The following CDH13 variants were observed in gnomAD, a reference collection of about 807,000 sequenced individuals.
The protein encoded by CDH13 is cadherin-13.
In CDH13, 24 loss-of-function variants were observed where a neutral mutation model predicts 63.8. The ratio of observed to expected loss-of-function variants is 0.38; its 90% CI spans 0.27 to 0.53. The LOEUF is 0.53. Among genes scored for constraint, CDH13 ranks in the 20% least tolerant of loss-of-function variants. The probability of loss-of-function intolerance (pLI) is 0.85; values close to 1 mark genes in which losing one functional copy is unlikely to be tolerated. For missense variants in CDH13, 1,049 were observed against 903.1 expected, an observed-to-expected ratio of 1.16 and a Z score of -2.07; for synonymous variants, 503 against 355.3, an observed-to-expected ratio of 1.42 and a Z score of -4.67.
At chr16:82,753,377 C>G (rs2034493557) in intron 1 of CDH13, among the ~76,000 whole-genome samples, 1 of 152,168 alleles carries the variant, frequency 6.6e-6, no homozygotes, top group Non-Finnish European at 1.5e-5. Context: ...TTCTCTGGCT[C>G]TTCCCCTTAA....
At chr16:82,783,968 G>GT (rs1310122418) in intron 1 of CDH13, among the ~76,000 whole-genome samples, 2 of 152,248 alleles carry the variant, frequency 1.3e-5, no homozygotes, top group Admixed American at 6.5e-5. Flanking sequence ...AATTCAATTT[G>GT]TTTTTTTCTT....
intron 2 of CDH13, among the ~76,000 whole-genome samples, chr16:82,908,984 G>T (rs1249030355): frequency 1.3e-5 from 2 of 152,120 alleles, no homozygotes; most frequent in African/African-American, 4.8e-5. Context: ...TGTGGGGCTT[G>T]AGTATGCATG....
intron 1 of CDH13, among the ~76,000 whole-genome samples, chr16:82,807,451 C>G (rs2037203479): frequency 6.6e-6 from 1 of 152,054 alleles, no homozygotes; most frequent in Non-Finnish European, 1.5e-5. Flanking sequence ...ATAGAGGATT[C>G]CAAGATCAAG....
intron 2 of CDH13, among the ~76,000 whole-genome samples, chr16:82,914,407 A>T (rs2041922730): frequency 6.6e-6 from 1 of 152,194 alleles, no homozygotes; most frequent in Non-Finnish European, 1.5e-5. Flanking sequence ...CAGCAATTTT[A>T]AGCAAATTTT....
At chr16:82,906,644 C>G (rs1003690068) in intron 2 of CDH13, among the ~76,000 whole-genome samples, 5 of 152,174 alleles carry the variant, frequency 3.3e-5, no homozygotes, top group African/African-American at 4.8e-5. Flanking sequence ...TTACCACTAA[C>G]TCAAATGGCT....
intron 2 of CDH13, among the ~76,000 whole-genome samples, chr16:82,904,424 C>T (rs1322606467): frequency 6.6e-6 from 1 of 152,170 alleles, no homozygotes; most frequent in Non-Finnish European, 1.5e-5. Flanking sequence ...TGAGTTTTCT[C>T]CAAGACACCC....
intron 6 of CDH13, among the ~76,000 whole-genome samples, chr16:83,409,360 G>A (rs1372930016): frequency 6.6e-6 from 1 of 152,212 alleles, no homozygotes; most frequent in South Asian, 2.1e-4. Flanking sequence ...GCTGCCTGCT[G>A]TGCCTTTGGG....
intron 1 of CDH13, among the ~76,000 whole-genome samples, chr16:82,794,047 A>T (rs1567541891): frequency 6.6e-6 from 1 of 152,076 alleles, no homozygotes; most frequent in Non-Finnish European, 1.5e-5. Flanking sequence ...ACTGGGGTAT[A>T]ACCAAGCTTG....
chr16:82,684,427 G>A (rs985287081), intron 1 of CDH13, among the ~76,000 whole-genome samples: 8 of 152,150 alleles, frequency 5.3e-5, no homozygotes, highest in African/African-American at 1.9e-4. Context: ...ATGCCTAGAT[G>A]TCTGCGGTGA....
intron 6 of CDH13, among the ~76,000 whole-genome samples, chr16:83,441,834 G>A (rs2039087808): frequency 6.6e-6 from 1 of 152,182 alleles, no homozygotes. Flanking sequence ...AAATGTTTCA[G>A]GGCATCAGAG....
intron 10 of CDH13, among the ~76,000 whole-genome samples, chr16:83,727,320 G>A (rs1341951856): frequency 6.6e-6 from 1 of 152,078 alleles, no homozygotes; most frequent in Non-Finnish European, 1.5e-5. Context: ...ATCTACGTGG[G>A]AAGGGACGCT....
intron 7 of CDH13, among the ~76,000 whole-genome samples, chr16:83,498,158 C>T (rs1250350557): frequency 6.6e-6 from 1 of 152,020 alleles, no homozygotes; most frequent in Admixed American, 6.6e-5. Flanking sequence ...ATGTTAGAGC[C>T]CTGATAGGTG....
intron 4 of CDH13, among the ~76,000 whole-genome samples, chr16:83,151,025 G>A (rs1281917733): frequency 6.6e-6 from 1 of 152,120 alleles, no homozygotes; most frequent in African/African-American, 2.4e-5. Context: ...ATGGTGACAA[G>A]CATATAGTAG....
intron 5 of CDH13, among the ~76,000 whole-genome samples, chr16:83,342,571 G>A (rs961808104): frequency 6.6e-6 from 1 of 152,154 alleles, no homozygotes; most frequent in Admixed American, 6.6e-5. Flanking sequence ...TTGTCTGTTT[G>A]CATAATTGGT....
chr16:83,315,978 A>G (rs918259567), intron 5 of CDH13, among the ~76,000 whole-genome samples: 2 of 152,350 alleles, frequency 1.3e-5, no homozygotes, highest in East Asian at 3.9e-4. Context: ...TGGGTAATTT[A>G]TAAAGGAAAG....
intron 2 of CDH13, among the ~76,000 whole-genome samples, chr16:82,868,452 A>G (rs1427908231): frequency 3.3e-5 from 5 of 152,234 alleles, no homozygotes; most frequent in Admixed American, 6.5e-5. Context: ...GACGTAAGAT[A>G]AGAAATGAAC....
At chr16:82,764,780 A>G (rs1401528199) in intron 1 of CDH13, among the ~76,000 whole-genome samples, 1 of 150,876 alleles carries the variant, frequency 6.6e-6, no homozygotes, top group Non-Finnish European at 1.5e-5. Flanking sequence ...AACCACACTC[A>G]CAGAGTCCCT....
intron 4 of CDH13, among the ~76,000 whole-genome samples, chr16:83,190,802 T>G (rs149228172): frequency 1.3e-5 from 2 of 152,338 alleles, no homozygotes; most frequent in African/African-American, 4.8e-5. Context: ...TGGTGACATT[T>G]AAAATGCTTC....
chr16:83,141,749 C>G (rs754176064), intron 4 of CDH13, among the ~76,000 whole-genome samples: 2 of 152,178 alleles, frequency 1.3e-5, no homozygotes, highest in South Asian at 2.1e-4. Flanking sequence ...CTCCCACTTA[C>G]AAGTGAGAAT....
Sources: allele counts gnomAD v4.1 joint callset (sites outside exome capture counted in the v4.1 genomes callset), GRCh38; gene constraint gnomAD v4.1.1; transcripts MANE v1.5; gene names NCBI Gene and HGNC (gene_info 2026-07-23, HGNC 2026-07-21).